The following ANKRD33B variants were observed in gnomAD, a reference collection of about 807,000 sequenced individuals.
ANKRD33B encodes ankyrin repeat domain 33B, also known as ankyrin repeat domain-containing protein 33B.
Under a neutral mutation model 21.5 loss-of-function variants are expected in ANKRD33B, and 6 were observed. That is an observed-to-expected ratio of 0.28 (90% CI 0.15 to 0.55). The LOEUF is 0.55. ANKRD33B is among the 20% of genes least tolerant of loss of function. The pLI, the probability that ANKRD33B is intolerant of heterozygous loss-of-function variation, is 0.94. For missense variants in ANKRD33B, 698 were observed against 747.2 expected, an observed-to-expected ratio of 0.93 and a Z score of 0.77; for synonymous variants, 347 against 342.4, an observed-to-expected ratio of 1.01 and a Z score of -0.15.
At chr5:10,566,239 G>A (rs1735053752) in intron 1 of ANKRD33B, among the ~76,000 whole-genome samples, 1 of 152,208 alleles carries the variant, frequency 6.6e-6, no homozygotes. Flanking sequence ...CTGGAGCCCT[G>A]TAGTTCCTGC....
At chr5:10,611,113 G>A (rs1459411427) in intron 1 of ANKRD33B, among the ~76,000 whole-genome samples, 1 of 152,054 alleles carries the variant, frequency 6.6e-6, no homozygotes, top group African/African-American at 2.4e-5. Flanking sequence ...AAATTCAAAA[G>A]CAAAATCAGA....
At chr5:10,567,496 A>T (rs1735088076) in intron 1 of ANKRD33B, among the ~76,000 whole-genome samples, 1 of 152,174 alleles carries the variant, frequency 6.6e-6, no homozygotes, top group Admixed American at 6.5e-5. Context: ...TGGGAGACGG[A>T]CTGCTTTTCA....
intron 1 of ANKRD33B, among the ~76,000 whole-genome samples, chr5:10,574,607 TG>T (rs1233136879): frequency 6.6e-6 from 1 of 152,136 alleles, no homozygotes; most frequent in East Asian, 1.9e-4. Flanking sequence ...GATGAAATCA[TG>T]AAGATTATAG....
intron 1 of ANKRD33B, among the ~76,000 whole-genome samples, chr5:10,588,291 G>T (rs192230263): frequency 6.6e-6 from 1 of 152,212 alleles, no homozygotes; most frequent in East Asian, 1.9e-4. Context: ...CTTCATGAGG[G>T]CACCTTTCTT....
chr5:10,580,698 C>T (rs183959048), intron 1 of ANKRD33B, among the ~76,000 whole-genome samples: 78 of 151,882 alleles, frequency 5.1e-4, no homozygotes, highest in African/African-American at 1.8e-3. Flanking sequence ...GGTGGGGTGT[C>T]GGGGGTGAGG....
intron 1 of ANKRD33B, among the ~76,000 whole-genome samples, chr5:10,565,555 T>C (rs1401517286): frequency 2.0e-5 from 3 of 152,100 alleles, no homozygotes; most frequent in Non-Finnish European, 4.4e-5. Flanking sequence ...TCCACCCGGG[T>C]AGGGCAGGAG....
Position 10,604,742 on chromosome 5 carries a change from T to C in ANKRD33B, c.367-13591T>C, listed in dbSNP as rs369151539. ...ACATATATTCAACTTTAATGAATGA[T>C]CCAGTTCTCAAGACAGAAACATAGA... is the stretch of plus-strand genomic sequence containing the variant. On this transcript the variant is annotated intron_variant, in intron 1 of 3. Coordinates refer to ENST00000296657, the MANE Select transcript of ANKRD33B (RefSeq NM_001164440.2). 5.9e-4 allele frequency among the ~76,000 whole-genome samples: 90 copies of C among 152,274 alleles called. 1 individual carries two copies. The highest frequency in any genetic ancestry group is 2.1e-3 in the African/African-American group (87 of 41,568).
At position 10,650,237 on chromosome 5, in the gene ANKRD33B, C is replaced by G; in HGVS notation, c.*124C>G. On this transcript the variant is annotated 3_prime_UTR_variant, in exon 4 of 4. Transcript: ENST00000296657. ...TTCCGCTCCATGGACCACGGGGCTG[C>G]GCGCATTTCCAGGCTGTTTGTCCAG... 3 of 1,083,030 alleles carry G rather than the reference C, an allele frequency of 2.8e-6. No homozygotes were observed. The highest frequency in any genetic ancestry group is 3.7e-6 in the Non-Finnish European group (3 of 820,384). 67.1% of individuals were successfully genotyped at this position (1,083,030 alleles called of 1,614,324 possible). A position where few individuals can be genotyped will look rare whatever the true frequency, so the allele number is the denominator to read the frequency against.
At position 10,578,677 on chromosome 5, in the gene ANKRD33B, C is replaced by T. The variant is rs185670012; in HGVS notation, c.366+13844C>T. Among the ~76,000 whole-genome samples, 513 of 152,238 alleles carry T rather than the reference C, an allele frequency of 3.4e-3. 3 individuals carry two copies. Among genetic ancestry groups the T allele is most frequent in the African/African-American group, 0.011 (466 of 41,530 alleles). ...CAGTTAAGATATGCTAGAGAAGCTA[C>T]GGTCAATTTCTTTTTAATAGAAATA... is the stretch of plus-strand genomic sequence containing the variant. On this transcript the variant is annotated intron_variant, in intron 1 of 3. Transcript: ENST00000296657.
chr5:10,618,230 G>C, intron 1 of ANKRD33B, 103 bp from the exon 2 acceptor site: 1 of 1,459,852 alleles, frequency 6.9e-7, no homozygotes, highest in Non-Finnish European at 9.2e-7. Context: ...TCATTGCCTT[G>C]TCCAGCCCCC....
chr5:10,625,611 G>T (rs963573857), intron 2 of ANKRD33B, among the ~76,000 whole-genome samples: 1 of 152,200 alleles, frequency 6.6e-6, no homozygotes, highest in Non-Finnish European at 1.5e-5. Context: ...AATTTGAGAG[G>T]CTGCGTTATG....
chr5:10,624,692 G>A (rs2126588087), intron 2 of ANKRD33B: 1 of 452,854 alleles, frequency 2.2e-6, no homozygotes, highest in East Asian at 7.0e-5. Flanking sequence ...ATGTGCCGAA[G>A]AGATTTTCCC....
chr5:10,624,331 T>C (rs1034071279), intron 2 of ANKRD33B, among the ~76,000 whole-genome samples: 7 of 152,186 alleles, frequency 4.6e-5, no homozygotes, highest in Non-Finnish European at 1.0e-4. Context: ...GGTTTCACCA[T>C]GTAGGCCAGA....
rs749686553 is a variant in ANKRD33B at position 10,564,748 on chromosome 5, G to T, written c.281G>T (p.Cys94Phe). 7.8e-6 allele frequency: 12 copies of T among 1,530,642 alleles called. No homozygotes were observed. The highest frequency in any genetic ancestry group is 1.0e-5 in the Non-Finnish European group (12 of 1,143,996). The allele number at this position is 1,530,642 out of a possible 1,614,324, so 94.8% of individuals were successfully genotyped here. The part of the protein sequence containing the change: ...PETATLLRAA[C>F]ANNVGLLRTL... ...ACGGCGACCCTCCTGCGCGCCGCCTGCGCCAACAACGTGGGGCTGCTGCGG... is the reference window on the plus strand; with the variant it reads ...ACGGCGACCCTCCTGCGCGCCGCCTTCGCCAACAACGTGGGGCTGCTGCGG... The change falls in exon 1 of 4, where the codon TGC (cysteine) becomes TTC (phenylalanine). Residue 94 changes from cysteine (C) to phenylalanine (F), a missense_variant. Cys to Phe is a radical substitution (Grantham distance 205). Around this residue, in one of 3 missense-constraint regions of ANKRD33B, gnomAD observed 148 missense variants for 154.9 expected, o/e 0.96. Coordinates refer to ENST00000296657, the MANE Select transcript of ANKRD33B (RefSeq NM_001164440.2).
chr5:10,599,221 G>A (rs1452961818), intron 1 of ANKRD33B, among the ~76,000 whole-genome samples: 2 of 151,874 alleles, frequency 1.3e-5, no homozygotes, highest in Non-Finnish European at 2.9e-5. Flanking sequence ...TAGCCATGTT[G>A]TGTGTACCAC....
At position 10,618,399 on chromosome 5, in the gene ANKRD33B, C is replaced by G. The variant is rs1736337256; in HGVS notation, c.433C>G (p.His145Asp). 2 of 1,537,618 alleles carry G rather than the reference C, an allele frequency of 1.3e-6. No homozygotes were observed. Among genetic ancestry groups the G allele is most frequent in the Admixed American group, 2.0e-5 (1 of 50,988 alleles). ...CGTGGTGGCCTTAGCAGAGTGCCCCCACGTTGACGTCAACTGGCAGGACAG... is the reference window on the plus strand; with the variant it reads ...CGTGGTGGCCTTAGCAGAGTGCCCCGACGTTGACGTCAACTGGCAGGACAG... ...DTVVALAECP[H>D]VDVNWQDSEG... is the part of the protein sequence containing the mutation. The change falls in exon 2 of 4, where the codon CAC becomes GAC. Residue 145 changes from histidine to aspartate, a missense_variant. Physicochemically the swap from His to Asp is moderately conservative, Grantham distance 81 (BLOSUM62 -1). This residue lies in a region of ANKRD33B where 543 missense variants were observed against 566.5 expected (regional missense o/e 0.96). Transcript: ENST00000296657.
chr5:10,618,290 T>C, intron 1 of ANKRD33B, 43 bp from the exon 2 acceptor site: 1 of 1,535,690 alleles, frequency 6.5e-7, no homozygotes, highest in Non-Finnish European at 8.7e-7. Flanking sequence ...CCCACCATGC[T>C]CCGACTCTGC....
rs1221904295 is a variant in ANKRD33B at position 10,649,406 on chromosome 5, C to G, written c.778C>G (p.Arg260Gly). The change falls in exon 4 of 4, where the codon CGG (arginine) becomes GGG (glycine). Residue 260 changes from arginine to glycine, a missense_variant. Transcript: ENST00000296657. ...CCCGGAGCAGTTCTGGGAGAAGTAC[C>G]GGCCCGAGCTGCCGCCGCCCCCTGA... Reference protein sequence around the residue: ...PCPEQFWEKYRPELPPPPEAA... With the variant: ...PCPEQFWEKYGPELPPPPEAA... 6.5e-7 allele frequency: 1 copy of G among 1,535,488 alleles called. No homozygotes were observed. Among genetic ancestry groups the G allele is most frequent in the Non-Finnish European group, 8.7e-7 (1 of 1,146,612 alleles).
chr5:10,644,190 T>C (rs1737138726), intron 3 of ANKRD33B, among the ~76,000 whole-genome samples: 1 of 152,246 alleles, frequency 6.6e-6, no homozygotes, highest in African/African-American at 2.4e-5. Flanking sequence ...TTCTTTTAGA[T>C]TGACACTTCA....
Sources: allele counts gnomAD v4.1 joint callset (sites outside exome capture counted in the v4.1 genomes callset), GRCh38; gene constraint gnomAD v4.1.1; regional missense constraint gnomAD v4.1.1; transcripts MANE v1.5; gene names NCBI Gene and HGNC (gene_info 2026-07-23, HGNC 2026-07-21).